The following CHL1 variants were observed in gnomAD, a reference collection of about 807,000 sequenced individuals.
The protein encoded by CHL1 is neural cell adhesion molecule L1-like protein.
CHL1 carries 96 observed loss-of-function variants against 141.9 expected under a neutral mutation model. The observed-to-expected ratio is 0.68, with a 90% CI of 0.57 to 0.80. The LOEUF is 0.80. Among genes scored for constraint, CHL1 ranks in the 30% least tolerant of loss-of-function variants. The pLI, the probability that CHL1 is intolerant of heterozygous loss-of-function variation, is 0.00. For missense variants in CHL1, 1,820 were observed against 1,457.2 expected, an observed-to-expected ratio of 1.25 and a Z score of -4.05; for synonymous variants, 613 against 502.2, an observed-to-expected ratio of 1.22 and a Z score of -2.95.
chr3:285,389 T>A (rs192021511), intron 2 of CHL1, among the ~76,000 whole-genome samples: 22 of 152,354 alleles, frequency 1.4e-4, no homozygotes, highest in Admixed American at 1.0e-3. Flanking sequence ...GAGGAGCCAA[T>A]GTATATTTTT....
intron 15 of CHL1, among the ~76,000 whole-genome samples, chr3:369,848 G>A (rs574138894): frequency 6.6e-6 from 1 of 152,320 alleles, no homozygotes; most frequent in South Asian, 2.1e-4. Flanking sequence ...TGCATCTATT[G>A]AGATAATCAT....
chr3:313,951 T>C (rs1699953374), intron 2 of CHL1, among the ~76,000 whole-genome samples: 1 of 152,152 alleles, frequency 6.6e-6, no homozygotes, highest in Admixed American at 6.5e-5. Flanking sequence ...GAAAAAGCAA[T>C]GAGTTACATT....
At chr3:385,524 G>A (rs1707581173) in intron 19 of CHL1, among the ~76,000 whole-genome samples, 1 of 152,054 alleles carries the variant, frequency 6.6e-6, no homozygotes, top group South Asian at 2.1e-4. Flanking sequence ...TGTAAGAATG[G>A]GACTGTACTA....
chr3:404,470 C>T (rs1709378675), intron 27 of CHL1, among the ~76,000 whole-genome samples: 1 of 152,044 alleles, frequency 6.6e-6, no homozygotes, highest in Non-Finnish European at 1.5e-5. Flanking sequence ...TTAAAAAAAT[C>T]TTGATCCAAA....
At chr3:238,169 T>C (rs1197487488) in intron 1 of CHL1, among the ~76,000 whole-genome samples, 2 of 152,204 alleles carry the variant, frequency 1.3e-5, no homozygotes, top group African/African-American at 4.8e-5. Flanking sequence ...CATTCAAATT[T>C]GTATTGAGTA....
intron 11 of CHL1, among the ~76,000 whole-genome samples, chr3:358,072 A>T (rs1703875319): frequency 1.3e-5 from 2 of 152,236 alleles, no homozygotes; most frequent in Non-Finnish European, 2.9e-5. Flanking sequence ...ACATTGCTGT[A>T]ACAAATTAAA....
At chr3:358,388 A>G (rs759918212) in intron 11 of CHL1, among the ~76,000 whole-genome samples, 1 of 152,156 alleles carries the variant, frequency 6.6e-6, no homozygotes, top group Non-Finnish European at 1.5e-5. Flanking sequence ...CATTGAGCCC[A>G]CTTGGGTCAT....
intron 5 of CHL1, among the ~76,000 whole-genome samples, chr3:331,888 A>G (rs535541973): frequency 6.6e-6 from 1 of 152,214 alleles, no homozygotes; most frequent in African/African-American, 2.4e-5. Flanking sequence ...AAAGCATTTG[A>G]TCCTACCCAA....
At chr3:238,660 C>T (rs1013433696) in intron 1 of CHL1, among the ~76,000 whole-genome samples, 2 of 151,992 alleles carry the variant, frequency 1.3e-5, no homozygotes, top group African/African-American at 4.8e-5. Context: ...TACAGTGGCT[C>T]ACGCCTATAA....
chr3:222,598 A>G (rs1367020325), intron 1 of CHL1, among the ~76,000 whole-genome samples: 1 of 152,156 alleles, frequency 6.6e-6, no homozygotes, highest in Non-Finnish European at 1.5e-5. Context: ...AAACGAATAG[A>G]TGGACTTGTA....
chr3:198,851 A>G (rs1383866764), intron 1 of CHL1, among the ~76,000 whole-genome samples: 2 of 152,230 alleles, frequency 1.3e-5, no homozygotes, highest in Non-Finnish European at 2.9e-5. Context: ...AACTCCTACG[A>G]AGCTCTGCCT....
intron 1 of CHL1, among the ~76,000 whole-genome samples, chr3:232,491 C>G (rs771722649): frequency 6.6e-6 from 1 of 151,894 alleles, no homozygotes; most frequent in East Asian, 1.9e-4. Flanking sequence ...TTTACTATGC[C>G]CCTTTGTAAC....
At chr3:225,995 T>C (rs1278759934) in intron 1 of CHL1, among the ~76,000 whole-genome samples, 3 of 150,120 alleles carry the variant, frequency 2.0e-5, no homozygotes, top group African/African-American at 7.4e-5. Flanking sequence ...GGAGACAGAA[T>C]GAGACTCTGT....
At chr3:405,129 T>TGAGGGTG (rs1334127797) in intron 27 of CHL1, among the ~76,000 whole-genome samples, 1 of 152,084 alleles carries the variant, frequency 6.6e-6, no homozygotes, top group African/African-American at 2.4e-5. Flanking sequence ...GGTTATCAGG[T>TGAGGGTG]TTTAACATAG....
chr3:235,966 G>C (rs1403938648), intron 1 of CHL1, among the ~76,000 whole-genome samples: 1 of 152,162 alleles, frequency 6.6e-6, no homozygotes. Context: ...TAAGTTTCAT[G>C]ATTTGGTATT....
chr3:329,596 G>C (rs1229650017), intron 5 of CHL1, among the ~76,000 whole-genome samples: 1 of 151,450 alleles, frequency 6.6e-6, no homozygotes, highest in Non-Finnish European at 1.5e-5. Context: ...AAAAAAGTAA[G>C]ACAAGCAGAA....
rs780558307 is a variant in CHL1, at chr3:341,994, C to T, written c.591C>T (p.Asp197=). Residue 197 remains aspartate, a synonymous_variant, in exon 7 of 28, where the codon GAC becomes GAT. Coordinates refer to ENST00000256509, the MANE Select transcript of CHL1 (RefSeq NM_006614.4). ...DLYFANVEEK[D]SRNDYCCFAA... is the part of the protein sequence containing the mutation. ...ACTTCGCAAACGTGGAAGAAAAGGACAGTCGCAATGACTACTGTTGCTTTG... is the reference window on the plus strand; with the variant it reads ...ACTTCGCAAACGTGGAAGAAAAGGATAGTCGCAATGACTACTGTTGCTTTG... The T allele has an allele frequency of 1.9e-6, 3 of 1,613,482 alleles. No individual in the cohort carries two copies. Among genetic ancestry groups the T allele is most frequent in the Admixed American group, 3.3e-5 (2 of 59,974 alleles).
intron 1 of CHL1, among the ~76,000 whole-genome samples, chr3:208,649 A>T (rs944011382): frequency 6.6e-6 from 1 of 152,170 alleles, no homozygotes; most frequent in African/African-American, 2.4e-5. Context: ...TTATTTGAAT[A>T]TGGTACCATT....
intron 15 of CHL1, among the ~76,000 whole-genome samples, chr3:369,281 G>T (rs1705316666): frequency 6.6e-6 from 1 of 151,690 alleles, no homozygotes; most frequent in African/African-American, 2.4e-5. Flanking sequence ...TCCTTGAGCA[G>T]TGGTTTGTAG....
Sources: allele counts gnomAD v4.1 joint callset (sites outside exome capture counted in the v4.1 genomes callset), GRCh38; gene constraint gnomAD v4.1.1; transcripts MANE v1.5; gene names NCBI Gene and HGNC (gene_info 2026-07-23, HGNC 2026-07-21).